Variants in MS4A3 observed in about 807,000 individuals in gnomAD.
MS4A3 encodes the protein membrane spanning 4-domains A3.
In MS4A3, 18 loss-of-function variants were observed where a neutral mutation model predicts 24.7. That is an observed-to-expected ratio of 0.73 (90% confidence interval 0.50 to 1.08). MS4A3 has a LOEUF of 1.08. Among genes scored for constraint, MS4A3 ranks in the 50% least tolerant of loss-of-function variants. The pLI, the probability that MS4A3 is intolerant of heterozygous loss-of-function variation, is 0.00. For missense variants in MS4A3, 282 were observed against 251.7 expected (o/e 1.12, Z -0.82); for synonymous variants, 84 against 95.3 (o/e 0.88, Z 0.69).
chr11:60,062,506 G>T lies in MS4A3; in HGVS notation c.195G>T (p.Leu65Phe). ...QILNAAMILA[L>F]GVFLGSLQYP... is the part of the protein sequence containing the mutation. ...TGAATGCAGCAATGATTCTGGCTTT[G>T]GGTGTCTTTCTGGGTTCCTTGCAAT... The change falls in exon 3 of 7, where the codon TTG becomes TTT. Residue 65 changes from leucine to phenylalanine, a missense_variant. Leu to Phe is a conservative substitution (Grantham distance 22). Coordinates refer to ENST00000278865, the MANE Select transcript of MS4A3 (RefSeq NM_006138.5). 6.2e-7 allele frequency: 1 copy of T among 1,614,016 alleles called. No individual in the cohort carries two copies. The highest frequency in any genetic ancestry group is 8.5e-7 in the Non-Finnish European group (1 of 1,179,970).
intron 1 of MS4A3, among the ~76,000 whole-genome samples, chr11:60,058,427 A>G (rs1370239615): frequency 1.4e-5 from 2 of 141,492 alleles, no homozygotes; most frequent in African/African-American, 5.2e-5. Flanking sequence ...TCATAGCTTG[A>G]GCCCAGGAGG....
In MS4A3 at chr11:60,062,535, C is replaced by T. The variant is rs765683986; in HGVS notation, c.224C>T (p.Pro75Leu). The change falls in exon 3 of 7, where the codon CCA becomes CTA. Residue 75 changes from proline to leucine, a missense_variant. By Grantham distance (98) the Pro-to-Leu change is moderately conservative. Coordinates refer to ENST00000278865, the MANE Select transcript of MS4A3 (RefSeq NM_006138.5). ...LGVFLGSLQY[P>L]YHFQKHFFFF... The stretch of plus-strand genomic sequence containing the variant: ...GTCTTTCTGGGTTCCTTGCAATACC[C>T]ATACCACTTCCAAAAGCACTTCTTT... 16 of 1,614,122 alleles carry T rather than the reference C, an allele frequency of 9.9e-6. No homozygotes were observed. Among genetic ancestry groups the T allele is most frequent in the Admixed American group, 1.7e-5 (1 of 60,016 alleles).
At chr11:60,059,167 C>T (rs920864072) in intron 1 of MS4A3, among the ~76,000 whole-genome samples, 8 of 151,880 alleles carry the variant, frequency 5.3e-5, no homozygotes, top group African/African-American at 1.9e-4. Flanking sequence ...ATAGCAATTC[C>T]CAGTGTAATA....
Position 60,063,404 on chromosome 11 carries a change from A to T in MS4A3, c.294+799A>T, listed in dbSNP as rs1011704332. ...GTTTTGATTATTTATTACTTCCCTG[A>T]TGGTTCATTTTTAAAAAGTGAATGA... is the stretch of plus-strand genomic sequence containing the variant. On this transcript the variant is annotated intron_variant, in intron 3 of 6. Coordinates refer to ENST00000278865, the MANE Select transcript of MS4A3 (RefSeq NM_006138.5). 2.6e-5 allele frequency among the ~76,000 whole-genome samples: 4 copies of T among 152,252 alleles called. No homozygotes were observed. The Middle Eastern group carries it at 0.014, about 518-fold the overall frequency.
chr11:60,066,669 C>T (rs1855365818), intron 4 of MS4A3, among the ~76,000 whole-genome samples: 3 of 152,196 alleles, frequency 2.0e-5, no homozygotes. Flanking sequence ...CCCAGATTCT[C>T]CTTATCCCAT....
intron 1 of MS4A3, 176 bp from the exon 2 acceptor site, chr11:60,060,970 C>A (rs1032095706): frequency 3.6e-5 from 18 of 496,316 alleles, no homozygotes; most frequent in African/African-American, 3.6e-4. Context: ...GTCTACTACT[C>A]CAAGGCAAGA....
At chr11:60,061,001 ACT>A in intron 1 of MS4A3, 143 bp from the exon 2 acceptor site, 1 of 617,736 alleles carries the variant, frequency 1.6e-6, no homozygotes, top group Non-Finnish European at 2.6e-6. Flanking sequence ...TATTGTACAA[ACT>A]CTGTTACTCT....
At chr11:60,058,892 G>T (rs543837791) in intron 1 of MS4A3, among the ~76,000 whole-genome samples, 1 of 152,106 alleles carries the variant, frequency 6.6e-6, no homozygotes, top group African/African-American at 2.4e-5. Flanking sequence ...AGATAATTAC[G>T]TTAGGAACTT....
intron 1 of MS4A3, 154 bp from the exon 2 acceptor site, chr11:60,060,992 A>C (rs1008352358): frequency 8.9e-6 from 5 of 560,764 alleles, no homozygotes; most frequent in Non-Finnish European, 1.5e-5. Flanking sequence ...AGAATTGAAT[A>C]TTGTACAAAC....
chr11:60,057,722 A>T (rs1354893540), intron 1 of MS4A3, among the ~76,000 whole-genome samples: 2 of 152,112 alleles, frequency 1.3e-5, no homozygotes, highest in Non-Finnish European at 2.9e-5. Context: ...TGATTTTTTT[A>T]AAAATAAATA....
chr11:60,069,477 C>A, intron 5 of MS4A3, 97 bp from the exon 6 acceptor site: 1 of 749,314 alleles, frequency 1.3e-6, no homozygotes, highest in Non-Finnish European at 2.3e-6. Context: ...TTCCACTTTA[C>A]GGGAGGGAGA....
At chr11:60,058,640 G>A (rs1266551199) in intron 1 of MS4A3, among the ~76,000 whole-genome samples, 1 of 151,236 alleles carries the variant, frequency 6.6e-6, no homozygotes, top group Non-Finnish European at 1.5e-5. Context: ...GACATTTGAG[G>A]GTTTAGAACT....
At chr11:60,065,546 C>A (rs1368441287) in intron 4 of MS4A3, among the ~76,000 whole-genome samples, 1 of 152,200 alleles carries the variant, frequency 6.6e-6, no homozygotes. Context: ...TTGAATCAAA[C>A]CCACTTCAAT....
chr11:60,062,949 G>A (rs1323527447), intron 3 of MS4A3, among the ~76,000 whole-genome samples: 1 of 151,888 alleles, frequency 6.6e-6, no homozygotes, highest in Non-Finnish European at 1.5e-5. Context: ...GCACCACCAT[G>A]CCCACCTAAT....
chr11:60,066,646 C>T (rs533644859), intron 4 of MS4A3, among the ~76,000 whole-genome samples: 1 of 152,340 alleles, frequency 6.6e-6, no homozygotes, highest in South Asian at 2.1e-4. Flanking sequence ...ACCCCCACTC[C>T]TCTCTTTGGA....
chr11:60,066,826 C>G (rs1466467657), intron 4 of MS4A3, 125 bp from the exon 5 acceptor site: 1 of 685,624 alleles, frequency 1.5e-6, no homozygotes, highest in Non-Finnish European at 2.2e-6. Context: ...TTGATGTTAG[C>G]CTCGCATCTA....
chr11:60,067,132 G>C lies in MS4A3; in HGVS notation c.513+20G>C, dbSNP rs752290979. 3 of 1,523,014 alleles carry C rather than the reference G, an allele frequency of 2.0e-6. No homozygotes were observed. The African/African-American group carries it at 4.2e-5, about 21-fold the overall frequency. The allele number at this position is 1,523,014 out of a possible 1,614,324, so 94.3% of individuals were successfully genotyped here. On this transcript the variant is annotated intron_variant, in intron 5 of 6. Coordinates refer to ENST00000278865, the MANE Select transcript of MS4A3 (RefSeq NM_006138.5). ...TCAAATGTATGTTTCTGAAAAATAT[G>C]TATAAGTATAAAATATTTCAAACAA...
chr11:60,066,185 T>C (rs1855358346), intron 4 of MS4A3, among the ~76,000 whole-genome samples: 1 of 152,188 alleles, frequency 6.6e-6, no homozygotes, highest in Non-Finnish European at 1.5e-5. Flanking sequence ...TATTATTATA[T>C]CCAGTTTTGA....
chr11:60,064,605 A>G (rs1024033909), intron 4 of MS4A3, among the ~76,000 whole-genome samples: 9 of 152,156 alleles, frequency 5.9e-5, no homozygotes, highest in African/African-American at 1.9e-4. Flanking sequence ...ATTTGGAAGT[A>G]AGAACTCCCA....
Sources: allele counts gnomAD v4.1 joint callset (sites outside exome capture counted in the v4.1 genomes callset), GRCh38; gene constraint gnomAD v4.1.1; transcripts MANE v1.5; gene names NCBI Gene and HGNC (gene_info 2026-07-23, HGNC 2026-07-21).